Variants in FOCAD observed in about 807,000 individuals in gnomAD.
The protein encoded by FOCAD is focadhesin.
A neutral mutation model predicts 225.6 loss-of-function variants in FOCAD; 198 were observed. The ratio of observed to expected loss-of-function variants is 0.88; its 90% CI spans 0.78 to 0.99. FOCAD has a LOEUF of 0.99. FOCAD is among the 50% of genes least tolerant of loss of function. The pLI is 0.00. For synonymous variants in FOCAD, 897 were observed against 755.0 expected, an observed-to-expected ratio of 1.19 and a Z score of -3.08; for missense variants, 2,713 against 2,123.6, an observed-to-expected ratio of 1.28 and a Z score of -5.46.
chr9:20,906,433 G>C (rs974997421), intron 21 of FOCAD, among the ~76,000 whole-genome samples: 1 of 151,754 alleles, frequency 6.6e-6, no homozygotes, highest in African/African-American at 2.4e-5. Context: ...TGTTTTTCTT[G>C]ATTGATCTTT....
chr9:20,781,862 G>A lies in FOCAD; in HGVS notation c.1130G>A (p.Arg377Lys). 1 of 1,614,086 alleles carries A rather than the reference G, an allele frequency of 6.2e-7. No individual in the cohort carries two copies. The highest frequency in any genetic ancestry group is 8.5e-7 in the Non-Finnish European group (1 of 1,179,972). The change falls in exon 10 of 44, where the codon AGG becomes AAG. Residue 377 changes from arginine (R) to lysine (K), a missense_variant. Transcript: ENST00000338382. ...TCTGTGGATGAAGAAGGTCCCTCTA[G>A]GCAGCAGTTGGCTCTAAACCTTTTG... ...CISVDEEGPS[R>K]QQLALNLLEM...
At chr9:20,723,564 G>C (rs1825958270) in intron 4 of FOCAD, among the ~76,000 whole-genome samples, 2 of 152,318 alleles carry the variant, frequency 1.3e-5, no homozygotes, top group Non-Finnish European at 1.5e-5. Context: ...CAAAGCCTCT[G>C]TCCTATCCCA....
At chr9:20,799,220 T>G (rs934499113) in intron 11 of FOCAD, among the ~76,000 whole-genome samples, 1 of 152,226 alleles carries the variant, frequency 6.6e-6, no homozygotes, top group African/African-American at 2.4e-5. Context: ...GACAGTTTGT[T>G]ATAATTTGTG....
At chr9:20,869,353 A>G (rs535661512) in intron 18 of FOCAD, among the ~76,000 whole-genome samples, 39 of 152,142 alleles carry the variant, frequency 2.6e-4, no homozygotes, top group Non-Finnish European at 5.0e-4. Context: ...AAATATATAT[A>G]TATAAGATAT....
At chr9:20,956,471 A>G (rs941863133) in intron 35 of FOCAD, among the ~76,000 whole-genome samples, 1 of 152,212 alleles carries the variant, frequency 6.6e-6, no homozygotes, top group African/African-American at 2.4e-5. Flanking sequence ...GCCATTATAA[A>G]TATGTCCTTC....
chr9:20,816,969 C>G (rs1183368308), intron 11 of FOCAD, among the ~76,000 whole-genome samples: 1 of 152,058 alleles, frequency 6.6e-6, no homozygotes, highest in African/African-American at 2.4e-5. Context: ...ATATAAGATG[C>G]TTGAGCATTT....
chr9:20,819,915 T>A lies in FOCAD; in HGVS notation c.1560+15T>A, dbSNP rs768715888. 10 of 1,440,540 alleles carry A rather than the reference T, an allele frequency of 6.9e-6. No homozygotes were observed. Among genetic ancestry groups the A allele is most frequent in the Non-Finnish European group, 8.5e-6 (9 of 1,060,870 alleles). 89.2% of individuals were successfully genotyped at this position (1,440,540 alleles called of 1,614,324 possible). A position where few individuals can be genotyped will look rare whatever the true frequency, so the allele number is the denominator to read the frequency against. ...GTGTTCACAAGGTTAGTATGTTAAT[T>A]AATTTAGTTGGCGAAAAAAGTGAGT... On this transcript the variant is annotated intron_variant, in intron 12 of 43. Coordinates refer to ENST00000338382, the MANE Select transcript of FOCAD (RefSeq NM_001375567.1).
chr9:20,986,348 T>A lies in FOCAD; in HGVS notation c.4789T>A (p.Leu1597Met). 1 of 1,602,442 alleles carries A rather than the reference T, an allele frequency of 6.2e-7. No individual in the cohort carries two copies. Among genetic ancestry groups the A allele is most frequent in the Non-Finnish European group, 8.5e-7 (1 of 1,175,056 alleles). Reference protein sequence around the residue: ...LYLVSQGRFPLVNLTDMLSVA... With the variant: ...LYLVSQGRFPMVNLTDMLSVA... ...CTTAGTCTCTCAAGGACGATTCCCC[T>A]TGGTGAACCTGACCGATATGCTGAG... The change falls in exon 40 of 44, where the codon TTG (leucine) becomes ATG (methionine). Residue 1597 changes from leucine (L) to methionine (M), a missense_variant. Physicochemically the swap from Leu to Met is conservative, Grantham distance 15. Transcript: ENST00000338382.
chr9:20,976,830 G>C (rs1840273788), intron 36 of FOCAD, among the ~76,000 whole-genome samples: 1 of 152,160 alleles, frequency 6.6e-6, no homozygotes, highest in Non-Finnish European at 1.5e-5. Flanking sequence ...CATTAAGCTT[G>C]CCTTTGTGGT....
intron 4 of FOCAD, among the ~76,000 whole-genome samples, chr9:20,738,929 C>CT (rs1276346822): frequency 7.2e-5 from 11 of 151,816 alleles, no homozygotes; most frequent in African/African-American, 7.3e-5. Context: ...ATTTAATATT[C>CT]TTTTTTTTGT....
chr9:20,697,447 C>T (rs1477303127), intron 1 of FOCAD, among the ~76,000 whole-genome samples: 1 of 152,200 alleles, frequency 6.6e-6, no homozygotes, highest in African/African-American at 2.4e-5. Flanking sequence ...TGGGTTTCTG[C>T]TTCATTCTGT....
rs544793609 is a variant in FOCAD at position 20,958,600 on chromosome 9, C to T, written c.4132+5535C>T. Among the ~76,000 whole-genome samples the T allele has an allele frequency of 1.4e-4, 21 of 152,182 alleles. No homozygotes were observed. In the East Asian group the frequency reaches 3.5e-3, roughly 25 times the overall value. ...ATGTATTATTGATAACTATACTCAC[C>T]CTACAGTAGTATAGAACACTAGAAC... is the stretch of plus-strand genomic sequence containing the variant. On this transcript the variant is annotated intron_variant, in intron 35 of 43. Coordinates refer to ENST00000338382, the MANE Select transcript of FOCAD (RefSeq NM_001375567.1).
At chr9:20,830,630 A>G (rs1383274872) in intron 15 of FOCAD, among the ~76,000 whole-genome samples, 1 of 152,104 alleles carries the variant, frequency 6.6e-6, no homozygotes, top group African/African-American at 2.4e-5. Context: ...AAATATTAGT[A>G]ATCAATGATT....
intron 11 of FOCAD, among the ~76,000 whole-genome samples, chr9:20,796,657 G>C (rs1452122191): frequency 2.0e-5 from 3 of 152,062 alleles, no homozygotes; most frequent in Non-Finnish European, 4.4e-5. Context: ...CTTTTTGATG[G>C]GGTTGTTTGT....
At chr9:20,975,701 A>G (rs1287374928) in intron 35 of FOCAD, among the ~76,000 whole-genome samples, 1 of 152,216 alleles carries the variant, frequency 6.6e-6, no homozygotes, top group African/African-American at 2.4e-5. Context: ...CCAGTCAGAA[A>G]GGAAAGACTG....
At chr9:20,884,675 T>G (rs918289212) in intron 20 of FOCAD, among the ~76,000 whole-genome samples, 5 of 152,168 alleles carry the variant, frequency 3.3e-5, no homozygotes, top group Admixed American at 2.6e-4. Flanking sequence ...AAAATCATAA[T>G]TTGCTTAACA....
chr9:20,871,645 TAAAAAATTTAA>T (rs1389088845), intron 18 of FOCAD, among the ~76,000 whole-genome samples: 1 of 145,026 alleles, frequency 6.9e-6, no homozygotes, highest in Admixed American at 7.0e-5. Flanking sequence ...CCTATGGAAA[TAAAAAATTTAA>T]AAAAAAAAAC....
At chr9:20,787,033 AGCTGTCACT>A (rs1819992148) in intron 10 of FOCAD, 1 of 422,656 alleles carries the variant, frequency 2.4e-6, no homozygotes, top group Non-Finnish European at 4.7e-6. Flanking sequence ...TGCCAGTGGC[AGCTGTCACT>A]CAATGGGACA....
chr9:20,758,877 C>G (rs146385184), intron 6 of FOCAD, among the ~76,000 whole-genome samples: 4,599 of 152,212 alleles, frequency 0.03, 103 homozygotes, highest in Middle Eastern at 0.048. Context: ...CCCACTGACT[C>G]AGCCCAAAAT....
Sources: allele counts gnomAD v4.1 joint callset (sites outside exome capture counted in the v4.1 genomes callset), GRCh38; gene constraint gnomAD v4.1.1; transcripts MANE v1.5; gene names NCBI Gene and HGNC (gene_info 2026-07-23, HGNC 2026-07-21).